The following LIPK variants were observed in gnomAD, a reference collection of about 807,000 sequenced individuals.
The protein encoded by LIPK is lipase member K.
LIPK carries 32 observed loss-of-function variants against 48.6 expected under a neutral mutation model. That is an observed-to-expected ratio of 0.66 (90% CI 0.50 to 0.88). The LOEUF is 0.88. Ranked by LOEUF, LIPK falls within the 40% of genes least tolerant of loss-of-function variation. The pLI, the probability that LIPK is intolerant of heterozygous loss-of-function variation, is 0.00. For missense variants in LIPK, 507 were observed against 478.5 expected (o/e 1.06, Z -0.56); for synonymous variants, 164 against 157.4 (o/e 1.04, Z -0.32).
intron 1 of LIPK, among the ~76,000 whole-genome samples, chr10:88,719,781 G>C (rs1015711154): frequency 6.6e-6 from 1 of 152,150 alleles, no homozygotes; most frequent in Non-Finnish European, 1.5e-5. Context: ...TTAAGTGTTT[G>C]CTTGATGAGC....
chr10:88,750,418 A>G (rs377776), intron 9 of LIPK, among the ~76,000 whole-genome samples: 37,505 of 152,042 alleles, frequency 0.25, 4,807 homozygotes, highest in East Asian at 0.37. Flanking sequence ...ATAAGAGGTG[A>G]ACTGAATAAA....
At position 88,729,252 on chromosome 10, in the gene LIPK, TGG is replaced by T. The variant is rs71022537; in HGVS notation, c.224-1720_224-1719del. Among the ~76,000 whole-genome samples the T allele has an allele frequency of 3.5e-3, 140 of 40,148 alleles. 3 individuals carry two copies. Among genetic ancestry groups the T allele is most frequent in the African/African-American group, 5.1e-3 (34 of 6,608 alleles). 26.3% of individuals were successfully genotyped at this position (40,148 alleles called of 152,430 possible). A position where few individuals can be genotyped will look rare whatever the true frequency, so the allele number is the denominator to read the frequency against. On this transcript the variant is annotated intron_variant, in intron 3 of 9. Coordinates refer to ENST00000404190, the MANE Select transcript of LIPK (RefSeq NM_001080518.2). ...CCCCGCAATGCAGGTGGCTATCTGT[TGG>T]GGGGGGGGGGCGGGGGAAGAGCAAT...
chr10:88,729,305 T>C (rs376100169), intron 3 of LIPK, among the ~76,000 whole-genome samples: 42 of 150,784 alleles, frequency 2.8e-4, no homozygotes, highest in African/African-American at 9.5e-4. Flanking sequence ...TATTTGCTCT[T>C]GCTTTCTTCT....
At chr10:88,735,523 A>T (rs746669132) in intron 6 of LIPK, among the ~76,000 whole-genome samples, 1 of 152,174 alleles carries the variant, frequency 6.6e-6, no homozygotes, top group Non-Finnish European at 1.5e-5. Context: ...TGGAAAAAAA[A>T]GTCTTTTTCC....
chr10:88,713,388 A>AT (rs1842059281), intron 1 of LIPK, among the ~76,000 whole-genome samples: 1 of 72,338 alleles, frequency 1.4e-5, no homozygotes, highest in South Asian at 6.0e-4. Context: ...TTGCATTTTG[A>AT]TTTTTTGTTG....
chr10:88,747,466 T>C (rs528912579), intron 9 of LIPK, among the ~76,000 whole-genome samples: 1 of 152,170 alleles, frequency 6.6e-6, no homozygotes, highest in South Asian at 2.1e-4. Flanking sequence ...GTCCAAAATA[T>C]GCAAATCAAT....
rs373820714 is a variant in LIPK, at chr10:88,750,844, A to C, written c.961-1673A>C. ...AAAAAAATCAACCAGAATACGACCC[A>C]GGTTTCCTGGATTTAAAGTCTAGTC... On this transcript the variant is annotated intron_variant, in intron 9 of 9. Coordinates refer to ENST00000404190, the MANE Select transcript of LIPK (RefSeq NM_001080518.2). 2.2e-4 allele frequency among the ~76,000 whole-genome samples: 34 copies of C among 152,282 alleles called. 2 individuals are homozygous for C. The highest frequency in any genetic ancestry group is 8.2e-4 in the African/African-American group (34 of 41,572).
intron 6 of LIPK, among the ~76,000 whole-genome samples, chr10:88,732,858 T>G (rs1842496224): frequency 6.6e-6 from 1 of 152,250 alleles, no homozygotes; most frequent in Admixed American, 6.5e-5. Context: ...TGAATTTTTC[T>G]AGTGATCCCT....
chr10:88,706,659 G>A (rs898996119), intron 1 of LIPK, among the ~76,000 whole-genome samples: 2 of 152,132 alleles, frequency 1.3e-5, no homozygotes, highest in East Asian at 1.9e-4. Flanking sequence ...GCATCTAGGG[G>A]TTTGGGAAAT....
rs1475184049 is a variant in LIPK, at chr10:88,752,532, T to C, written c.976T>C (p.Tyr326His). The C allele has an allele frequency of 1.3e-6, 2 of 1,551,034 alleles. No individual in the cohort carries two copies. The highest frequency in any genetic ancestry group is 1.8e-6 in the Non-Finnish European group (2 of 1,142,330). The change falls in exon 10 of 10, where the codon TAC (tyrosine) becomes CAC (histidine). Residue 326 changes from tyrosine (Y) to histidine (H), a missense_variant. Physicochemically the swap from Tyr to His is moderately conservative, Grantham distance 83 (BLOSUM62 2). Coordinates refer to ENST00000404190, the MANE Select transcript of LIPK (RefSeq NM_001080518.2). ...MHFHQLTPPLYNITKMEVPTA... is the reference protein window; with the variant it reads ...MHFHQLTPPLHNITKMEVPTA... ...TTGTATTTAGCTTACACCTCCTTTA[T>C]ACAACATTACTAAGATGGAAGTTCC...
At chr10:88,742,309 C>G (rs964776969) in intron 8 of LIPK, among the ~76,000 whole-genome samples, 2 of 151,714 alleles carry the variant, frequency 1.3e-5, no homozygotes, top group Non-Finnish European at 2.9e-5. Flanking sequence ...TATTGCCTCT[C>G]ATTTCTAAAA....
At chr10:88,737,916 C>A in intron 7 of LIPK, 135 bp downstream of exon 7, 1 of 904,168 alleles carries the variant, frequency 1.1e-6, no homozygotes, top group Non-Finnish European at 1.7e-6. Context: ...ACATTTATGG[C>A]TTCCAATGAG....
intron 1 of LIPK, among the ~76,000 whole-genome samples, chr10:88,707,573 C>G (rs1181284927): frequency 2.0e-5 from 3 of 152,044 alleles, no homozygotes; most frequent in African/African-American, 4.8e-5. Flanking sequence ...CATTTTATTT[C>G]CCATTTATCC....
In LIPK at chr10:88,749,824, G is replaced by T. The variant is rs1405591763; in HGVS notation, c.961-2693G>T. 7.0e-5 allele frequency among the ~76,000 whole-genome samples: 7 copies of T among 99,722 alleles called. No individual in the cohort carries two copies. In the East Asian group the frequency reaches 1.9e-3, roughly 27 times the overall value. The allele number at this position is 99,722 out of a possible 152,430, so 65.4% of individuals were successfully genotyped here. A position where few individuals can be genotyped will look rare whatever the true frequency, so the allele number is the denominator to read the frequency against. On this transcript the variant is annotated intron_variant, in intron 9 of 9. Transcript: ENST00000404190. The stretch of plus-strand genomic sequence containing the variant: ...ACAAGTGGAACCTAATTAAACTAAA[G>T]AGCTTTTGAATAGCAAAAGAAACTA...
intron 1 of LIPK, among the ~76,000 whole-genome samples, chr10:88,716,643 C>G (rs1842124912): frequency 6.6e-6 from 1 of 152,128 alleles, no homozygotes; most frequent in African/African-American, 2.4e-5. Flanking sequence ...AGGCATGAGC[C>G]ACTGAGCCTG....
intron 7 of LIPK, 121 bp downstream of exon 7, chr10:88,737,902 T>A: frequency 6.0e-6 from 6 of 1,007,142 alleles, no homozygotes; most frequent in Non-Finnish European, 7.5e-6. Flanking sequence ...GGAATGTAAT[T>A]AGTACATTTA....
chr10:88,727,188 C>G (rs1031962541), intron 3 of LIPK, among the ~76,000 whole-genome samples: 6 of 152,174 alleles, frequency 3.9e-5, no homozygotes, highest in African/African-American at 1.2e-4. Flanking sequence ...CTAGTGATAC[C>G]TCTGTCCCGT....
chr10:88,726,139 A>G (rs1842333803), intron 2 of LIPK, among the ~76,000 whole-genome samples: 1 of 152,054 alleles, frequency 6.6e-6, no homozygotes, highest in South Asian at 2.1e-4. Flanking sequence ...GCCACAGGGT[A>G]CTCCACAATT....
chr10:88,727,823 C>T (rs1842375798), intron 3 of LIPK: 3 of 365,446 alleles, frequency 8.2e-6, no homozygotes, highest in South Asian at 7.6e-5. Context: ...GATCAAGACC[C>T]TGAACAAGTT....
Sources: gnomAD v4.1 joint callset for allele counts (sites outside exome capture counted in the v4.1 genomes callset) on GRCh38, gnomAD v4.1.1 for gene constraint, MANE v1.5 for transcripts, NCBI Gene and HGNC (gene_info 2026-07-23, HGNC 2026-07-21) for gene names.